CNTNAP3: variants seen among roughly 807,000 people sequenced by gnomAD.
CNTNAP3 encodes the protein contactin-associated protein-like 3.
A neutral mutation model predicts 92.1 loss-of-function variants in CNTNAP3; 36 were observed. That is an observed-to-expected ratio of 0.39 (90% CI 0.30 to 0.52). The LOEUF is 0.52. Among genes scored for constraint, CNTNAP3 ranks in the 20% least tolerant of loss-of-function variants. The pLI, the probability that CNTNAP3 is intolerant of heterozygous loss-of-function variation, is 0.76. For missense variants in CNTNAP3, 534 were observed against 1,069.6 expected (o/e 0.50, Z 6.98); for synonymous variants, 232 against 422.3 (o/e 0.55, Z 5.53).
chr9:39,126,089 A>G (rs1821146520), intron 13 of CNTNAP3, among the ~76,000 whole-genome samples: 1 of 152,190 alleles, frequency 6.6e-6, no homozygotes, highest in Non-Finnish European at 1.5e-5. Flanking sequence ...ATTAAGTTAA[A>G]CCACATTCTA....
In CNTNAP3 at chr9:39,068,175, A is replaced by C; in HGVS notation, c.*5715T>G. Among the ~76,000 whole-genome samples the C allele has an allele frequency of 6.6e-6, 1 of 152,298 alleles. No homozygotes were observed. The highest frequency in any genetic ancestry group is 1.5e-5 in the Non-Finnish European group (1 of 68,058). Reference sequence around the variant, plus strand: ...AGCGCTTTAGGAGGCTGAGGTGGGCAGATCATGAGATCCAGAGATCGAGAC... The same window carrying C: ...AGCGCTTTAGGAGGCTGAGGTGGGCCGATCATGAGATCCAGAGATCGAGAC... On this transcript the variant is annotated 3_prime_UTR_variant, in exon 24 of 24. Transcript: ENST00000297668.
In CNTNAP3 at chr9:39,114,746, CT is replaced by C. The variant is rs950222234; in HGVS notation, c.2237+3356del. ...TGCATTTAAACCATCTTATTTTATG[CT>C]TTTTTTTGTGGTTACTTTTAAAGAC... On this transcript the variant is annotated intron_variant, in intron 14 of 23. Transcript: ENST00000297668. 5.3e-4 allele frequency among the ~76,000 whole-genome samples: 81 copies of C among 151,750 alleles called. 2 individuals carry two copies. The highest frequency in any genetic ancestry group is 6.3e-4 in the Non-Finnish European group (43 of 67,894).
At chr9:39,093,362 T>C (rs1826254302) in intron 18 of CNTNAP3, among the ~76,000 whole-genome samples, 1 of 147,110 alleles carries the variant, frequency 6.8e-6, no homozygotes, top group African/African-American at 2.5e-5. Context: ...GATTTCACTA[T>C]ACTTTGGGGT....
intron 13 of CNTNAP3, among the ~76,000 whole-genome samples, chr9:39,121,153 G>A (rs1821010239): frequency 2.6e-5 from 4 of 151,136 alleles, no homozygotes; most frequent in Non-Finnish European, 5.9e-5. Flanking sequence ...ATAACACAAC[G>A]AGAAATTTAT....
chr9:39,125,567 C>T lies in CNTNAP3; in HGVS notation c.2081-7308G>A, dbSNP rs919262603. On this transcript the variant is annotated intron_variant, in intron 13 of 23. Transcript: ENST00000297668. ...AACAACAACAACAAAACCCATGATC[C>T]ACCTACATGTTGTCTACTGAAATCC... is the stretch of plus-strand genomic sequence containing the variant. Among the ~76,000 whole-genome samples the T allele has an allele frequency of 2.0e-5, 3 of 152,160 alleles. No homozygotes were observed. In the East Asian group the frequency reaches 5.8e-4, roughly 29 times the overall value.
At chr9:39,132,813 G>C in intron 13 of CNTNAP3, 119 bp downstream of exon 13, 2 of 1,187,852 alleles carry the variant, frequency 1.7e-6, no homozygotes, top group Non-Finnish European at 2.2e-6. Flanking sequence ...GAGTGGTCAG[G>C]GCTTTGAACT....
At chr9:39,146,300 T>C (rs10974173) in intron 10 of CNTNAP3, among the ~76,000 whole-genome samples, 22,548 of 147,448 alleles carry the variant, frequency 0.15, 2,147 homozygotes, top group East Asian at 0.21. Context: ...CCAGTTGGAA[T>C]GCAGCACAGG....
chr9:39,076,394 C>T (rs1332705887), intron 23 of CNTNAP3, among the ~76,000 whole-genome samples: 5 of 152,286 alleles, frequency 3.3e-5, no homozygotes, highest in African/African-American at 1.2e-4. Context: ...AAATTGAACA[C>T]GAAAGTACAC....
chr9:39,077,206 T>C (rs185565416), intron 23 of CNTNAP3, among the ~76,000 whole-genome samples: 1 of 152,306 alleles, frequency 6.6e-6, no homozygotes, highest in African/African-American at 2.4e-5. Context: ...TGCACAACAT[T>C]GTAAATGTCC....
intron 10 of CNTNAP3, among the ~76,000 whole-genome samples, chr9:39,148,579 T>C (rs970005974): frequency 6.7e-6 from 1 of 149,642 alleles, no homozygotes; most frequent in Non-Finnish European, 1.5e-5. Flanking sequence ...CAGGCTGGAG[T>C]GCAGTGGCAC....
chr9:39,100,911 C>T (rs538496421), intron 17 of CNTNAP3, among the ~76,000 whole-genome samples: 3 of 150,486 alleles, frequency 2.0e-5, no homozygotes, highest in East Asian at 3.9e-4. Context: ...AGTTTTTAGC[C>T]TCCTCCCAGA....
intron 8 of CNTNAP3, among the ~76,000 whole-genome samples, chr9:39,168,514 A>AT (rs1466379519): frequency 1.4e-5 from 1 of 71,106 alleles, no homozygotes; most frequent in Non-Finnish European, 2.8e-5. Flanking sequence ...CATCTTACTG[A>AT]TTCTCTCATA....
At chr9:39,084,359 A>AT (rs916490335) in intron 21 of CNTNAP3, among the ~76,000 whole-genome samples, 3 of 150,754 alleles carry the variant, frequency 2.0e-5, no homozygotes, top group Admixed American at 6.6e-5. Flanking sequence ...TGCCCGGCTA[A>AT]TTTTTTTTGT....
intron 14 of CNTNAP3, among the ~76,000 whole-genome samples, chr9:39,116,211 A>T (rs1020261339): frequency 1.3e-5 from 2 of 152,080 alleles, no homozygotes; most frequent in Non-Finnish European, 2.9e-5. Context: ...AGCCACTAGC[A>T]TATATGCCAT....
chr9:39,145,601 C>T (rs12377724), intron 10 of CNTNAP3, among the ~76,000 whole-genome samples: 3 of 137,136 alleles, frequency 2.2e-5, no homozygotes, highest in East Asian at 4.4e-4. Flanking sequence ...GGGAAGAATC[C>T]GCAGCATTCC....
At chr9:39,114,362 G>A (rs1485531274) in intron 14 of CNTNAP3, among the ~76,000 whole-genome samples, 1 of 152,114 alleles carries the variant, frequency 6.6e-6, no homozygotes, top group Non-Finnish European at 1.5e-5. Flanking sequence ...TGGGATTACA[G>A]GCGTGAGCCA....
chr9:39,116,978 T>C (rs1258231323), intron 14 of CNTNAP3, among the ~76,000 whole-genome samples: 5 of 148,606 alleles, frequency 3.4e-5, no homozygotes, highest in Non-Finnish European at 7.5e-5. Flanking sequence ...ATTACATTTT[T>C]TATTTATTAA....
intron 10 of CNTNAP3, among the ~76,000 whole-genome samples, chr9:39,146,272 C>G (rs1241915044): frequency 1.3e-5 from 2 of 152,078 alleles, no homozygotes; most frequent in Non-Finnish European, 2.9e-5. Flanking sequence ...TGACGGAGGC[C>G]TCCCTGCTCA....
In CNTNAP3 at chr9:39,113,058, AT is replaced by A. The variant is rs1393082593; in HGVS notation, c.2238-3772del. Among the ~76,000 whole-genome samples, 46 of 151,542 alleles carry A rather than the reference AT, an allele frequency of 3.0e-4. No homozygotes were observed. The East Asian group carries it at 6.0e-3, about 20-fold the overall frequency. On this transcript the variant is annotated intron_variant, in intron 14 of 23. Transcript: ENST00000297668. ...GCAGCGTTACTGATATTTTGGGCTA[AT>A]TTTTTTTTGTTATGGGGGGGCTGTC...
Sources: allele counts gnomAD v4.1 joint callset (sites outside exome capture counted in the v4.1 genomes callset), GRCh38; gene constraint gnomAD v4.1.1; transcripts MANE v1.5; gene names NCBI Gene and HGNC (gene_info 2026-07-23, HGNC 2026-07-21).